TMEM232: variants seen among roughly 807,000 people sequenced by gnomAD.
TMEM232 encodes transmembrane protein 232.
A neutral mutation model predicts 78.8 loss-of-function variants in TMEM232; 80 were observed. The observed-to-expected ratio is 1.01, with a 90% CI of 0.85 to 1.22. The LOEUF is 1.22. Among genes scored for constraint, TMEM232 ranks in the 50% most tolerant of loss-of-function variants. The pLI, the probability that TMEM232 is intolerant of heterozygous loss-of-function variation, is 0.00. For synonymous variants in TMEM232, 297 were observed against 254.3 expected, an observed-to-expected ratio of 1.17 and a Z score of -1.60; for missense variants, 881 against 742.2, an observed-to-expected ratio of 1.19 and a Z score of -2.17.
downstream of TMEM232, among the ~76,000 whole-genome samples, chr5:110,414,835 T>G (rs1236566249): frequency 6.6e-6 from 1 of 152,178 alleles, no homozygotes; most frequent in Non-Finnish European, 1.5e-5. Context: ...GTTCACTTAC[T>G]CCTCCCTGAC....
chr5:110,610,902 T>C (rs1561382722), intron 8 of TMEM232, among the ~76,000 whole-genome samples: 1 of 152,168 alleles, frequency 6.6e-6, no homozygotes, highest in East Asian at 1.9e-4. Context: ...TATATAATCT[T>C]GGCCTTACCT....
At chr5:110,537,266 A>G (rs543461678) in intron 11 of TMEM232, among the ~76,000 whole-genome samples, 161 of 151,148 alleles carry the variant, frequency 1.1e-3, no homozygotes, top group South Asian at 2.1e-3. Flanking sequence ...CTGATAATCT[A>G]AAGAGAAAAC....
intron 12 of TMEM232, 79 bp from the exon 13 acceptor site, chr5:110,424,995 A>G (rs1210193705): frequency 1.0e-6 from 1 of 955,784 alleles, no homozygotes; most frequent in African/African-American, 1.7e-5. Flanking sequence ...TAACTAAGCC[A>G]TAATTTATTA....
At chr5:110,642,532 G>T (rs879143879) in intron 2 of TMEM232, among the ~76,000 whole-genome samples, 161 bp from the exon 3 acceptor site, 3 of 151,902 alleles carry the variant, frequency 2.0e-5, no homozygotes, top group Admixed American at 2.0e-4. Context: ...ATACATGCAA[G>T]CCTCCTGGAC....
chr5:110,647,660 C>T (rs192225989), intron 2 of TMEM232, among the ~76,000 whole-genome samples: 44 of 151,938 alleles, frequency 2.9e-4, no homozygotes, highest in Admixed American at 4.6e-4. Flanking sequence ...GCAGTCAGCT[C>T]CTAAAGTTCA....
At position 110,625,382 on chromosome 5, in the gene TMEM232, T is replaced by C. The variant is rs1477214662; in HGVS notation, c.653A>G (p.Asn218Ser). 1.3e-6 allele frequency: 2 copies of C among 1,547,076 alleles called. No individual in the cohort carries two copies. The change falls in exon 7 of 14, where the codon AAT (asparagine) becomes AGT (serine). Residue 218 changes from asparagine to serine, a missense_variant. Transcript: ENST00000455884. ...CGAGGCTTTCAGGATGAATTGCACATTTGAAAAGATGTTTGGATACTTGTG... is the reference window on the plus strand; with the variant it reads ...CGAGGCTTTCAGGATGAATTGCACACTTGAAAAGATGTTTGGATACTTGTG... ...SYHKYPNIFS[N>S]VQFILKASEI...
chr5:110,574,602 G>A lies in TMEM232; in HGVS notation c.1277-5977C>T, dbSNP rs1030214529. On this transcript the variant is annotated intron_variant, in intron 10 of 13. Transcript: ENST00000455884. ...GGGGCCAGATACTAGAGACAGCCAT[G>A]CTGCAGGCAGTTAACCAAGTGTATG... 2.6e-5 allele frequency among the ~76,000 whole-genome samples: 4 copies of A among 152,244 alleles called. No individual in the cohort carries two copies. The East Asian group carries it at 5.8e-4, about 22-fold the overall frequency.
At chr5:110,573,765 T>C (rs1250293638) in intron 10 of TMEM232, among the ~76,000 whole-genome samples, 2 of 151,802 alleles carry the variant, frequency 1.3e-5, no homozygotes, top group African/African-American at 4.8e-5. Flanking sequence ...TGAAGAAGAG[T>C]TAATCATTGA....
At chr5:110,723,588 T>G (rs1406455757) in intron 1 of TMEM232, among the ~76,000 whole-genome samples, 1 of 152,180 alleles carries the variant, frequency 6.6e-6, no homozygotes, top group South Asian at 2.1e-4. Context: ...AAAGCATTAC[T>G]TCTGTTTACA....
intron 12 of TMEM232, among the ~76,000 whole-genome samples, chr5:110,502,224 T>G (rs1395315141): frequency 1.3e-5 from 2 of 152,156 alleles, no homozygotes; most frequent in African/African-American, 4.8e-5. Context: ...ATCAAATGCA[T>G]TGGTCAAGTG....
intron 5 of TMEM232, among the ~76,000 whole-genome samples, chr5:110,635,271 T>C (rs1785642844): frequency 6.6e-6 from 1 of 151,974 alleles, no homozygotes; most frequent in African/African-American, 2.4e-5. Flanking sequence ...GAAAAACTAA[T>C]ACCAACCCTC....
chr5:110,596,699 G>A (rs1037344242), intron 10 of TMEM232, among the ~76,000 whole-genome samples: 2 of 152,128 alleles, frequency 1.3e-5, no homozygotes, highest in Non-Finnish European at 2.9e-5. Context: ...GGGATGAAAG[G>A]CTGGTTCAAT....
chr5:110,444,461 G>A (rs910659440), intron 12 of TMEM232, among the ~76,000 whole-genome samples: 6 of 152,156 alleles, frequency 3.9e-5, no homozygotes, highest in Non-Finnish European at 1.5e-5. Flanking sequence ...GATGCTGTCA[G>A]CAATTCAAGA....
chr5:110,516,248 A>G (rs567198650), intron 12 of TMEM232, among the ~76,000 whole-genome samples: 1 of 150,814 alleles, frequency 6.6e-6, no homozygotes, highest in South Asian at 2.1e-4. Flanking sequence ...CCCGCAGCCC[A>G]AAAAAAAAAT....
At chr5:110,415,939 A>G (rs1756191219), downstream of TMEM232, among the ~76,000 whole-genome samples, 1 of 152,180 alleles carries the variant, frequency 6.6e-6, no homozygotes, top group Non-Finnish European at 1.5e-5. Flanking sequence ...GGGATCTTCC[A>G]ACTAAAAAAT....
At chr5:110,445,174 T>A (rs1580708894) in intron 12 of TMEM232, among the ~76,000 whole-genome samples, 1 of 152,058 alleles carries the variant, frequency 6.6e-6, no homozygotes, top group East Asian at 1.9e-4. Flanking sequence ...TCTGATTGCC[T>A]TCTACATTTT....
chr5:110,418,539 C>A (rs2112596739), downstream of TMEM232, among the ~76,000 whole-genome samples: 1 of 152,192 alleles, frequency 6.6e-6, no homozygotes, highest in Non-Finnish European at 1.5e-5. Flanking sequence ...CTCTCCTTTT[C>A]TTCCTTTCTC....
chr5:110,590,451 C>A (rs1779369531), intron 10 of TMEM232, among the ~76,000 whole-genome samples: 2 of 152,032 alleles, frequency 1.3e-5, no homozygotes, highest in Admixed American at 1.3e-4. Context: ...GGAACATGAA[C>A]CCTATTGTGA....
At chr5:110,469,485 G>A (rs1762438355) in intron 12 of TMEM232, among the ~76,000 whole-genome samples, 1 of 152,156 alleles carries the variant, frequency 6.6e-6, no homozygotes, top group Non-Finnish European at 1.5e-5. Context: ...CTGGGGAAAT[G>A]GTGCCTTGGT....
Sources: allele counts gnomAD v4.1 joint callset (sites outside exome capture counted in the v4.1 genomes callset), GRCh38; gene constraint gnomAD v4.1.1; transcripts MANE v1.5; gene names NCBI Gene and HGNC (gene_info 2026-07-23, HGNC 2026-07-21).